The following RPS3 variants were observed in gnomAD, a reference collection of about 807,000 sequenced individuals.
RPS3 encodes small ribosomal subunit protein uS3.
In RPS3, 2 loss-of-function variants were observed where a neutral mutation model predicts 25.8. That is an observed-to-expected ratio of 0.08 (90% confidence interval 0.03 to 0.24). The LOEUF (loss-of-function observed/expected upper bound fraction) is 0.24. Among genes scored for constraint, RPS3 ranks in the 10% least tolerant of loss-of-function variants. RPS3 has a pLI of 1.00. For synonymous variants in RPS3, 114 were observed against 114.2 expected, an observed-to-expected ratio of 1.00 and a Z score of 0.01; for missense variants, 107 against 307.1, an observed-to-expected ratio of 0.35 and a Z score of 4.87.
rs765031534 is a variant in RPS3, at chr11:75,404,820, G to A, written c.687G>A (p.Gly229=). 5.0e-6 allele frequency: 8 copies of A among 1,612,848 alleles called. No individual in the cohort carries two copies. In the Admixed American group the frequency reaches 1.3e-4, roughly 27 times the overall value. Residue 229 remains glycine, a synonymous_variant, in exon 6 of 7, where the codon GGG becomes GGA. Coordinates refer to ENST00000531188, the MANE Select transcript of RPS3 (RefSeq NM_001005.5). The surrounding 1 kb of genome is among the most constrained non-coding windows in gnomAD (Gnocchi z 4.6). ...PTTPISEQKG[G]KPEPPAMPQP... ...CCCCCATCTCAGAACAGAAGGGTGG[G>A]AAGCCAGAGCCGCCTGCCATGCCCC...
chr11:75,399,604 G>A (rs755961163), intron 1 of RPS3, 27 bp downstream of exon 1: 7 of 1,608,498 alleles, frequency 4.4e-6, no homozygotes, highest in Admixed American at 1.7e-5. Context: ...TGGGTTCGGA[G>A]AACGACGGCG....
At chr11:75,401,791 ACT>A (rs1181700939) in intron 3 of RPS3, 58 bp downstream of exon 3, 3 of 964,988 alleles carry the variant, frequency 3.1e-6, no homozygotes, top group Non-Finnish European at 5.0e-6. Flanking sequence ...ACTTCTAAAA[ACT>A]CTCAACTTGG....
intron 6 of RPS3, among the ~76,000 whole-genome samples, chr11:75,412,119 T>C (rs971229406): frequency 6.6e-6 from 1 of 152,204 alleles, no homozygotes; most frequent in Non-Finnish European, 1.5e-5. Context: ...TTCCCCTCTT[T>C]GTGCTTTTGT....
chr11:75,411,614 TCTC>T (rs1436543177), downstream of RPS3, among the ~76,000 whole-genome samples: 1 of 151,828 alleles, frequency 6.6e-6, no homozygotes, highest in East Asian at 2.0e-4. Context: ...ATGGTCTCGA[TCTC>T]CTGACCTCAT....
chr11:75,420,780 G>A (rs555128696), intron 6 of RPS3, among the ~76,000 whole-genome samples: 1 of 152,084 alleles, frequency 6.6e-6, no homozygotes, highest in African/African-American at 2.4e-5. Flanking sequence ...GAAAGACCTG[G>A]CCATGTGCCC....
chr11:75,405,472 T>TA lies in RPS3; in HGVS notation c.*4-141dup, dbSNP rs1554989944. ...CCAGGTGCCTTGTATTTTTTTTTTT[T>TA]ATATGAAAAAGGACAAACCCTTATG... On this transcript the variant is annotated intron_variant, in intron 6 of 6. Coordinates refer to ENST00000531188, the MANE Select transcript of RPS3 (RefSeq NM_001005.5). 26 of 340,570 alleles carry TA rather than the reference T, an allele frequency of 7.6e-5. 1 individual carries two copies. The highest frequency in any genetic ancestry group is 5.5e-4 in the East Asian group (7 of 12,700). The allele number at this position is 340,570 out of a possible 1,614,324, so 21.1% of individuals were successfully genotyped here.
intron 6 of RPS3, among the ~76,000 whole-genome samples, chr11:75,416,083 C>G (rs912252304): frequency 6.6e-6 from 1 of 152,042 alleles, no homozygotes; most frequent in African/African-American, 2.4e-5. Flanking sequence ...TATTCAAGCC[C>G]GACAGTTTGG....
At chr11:75,405,028 A>AG in intron 6 of RPS3, 160 bp downstream of exon 6, 1 of 526,532 alleles carries the variant, frequency 1.9e-6, no homozygotes, top group Non-Finnish European at 3.3e-6. Flanking sequence ...GGGTCTATTT[A>AG]ACCCTTGGTT....
At chr11:75,420,620 T>A in intron 6 of RPS3, among the ~76,000 whole-genome samples, 1 of 151,938 alleles carries the variant, frequency 6.6e-6, no homozygotes, top group Non-Finnish European at 1.5e-5. Context: ...CGGGCGGCAA[T>A]AGTGCCTGCC....
chr11:75,418,022 A>C (rs1397084958), intron 6 of RPS3, among the ~76,000 whole-genome samples: 1 of 152,174 alleles, frequency 6.6e-6, no homozygotes, highest in African/African-American at 2.4e-5. Flanking sequence ...GTCAGATAAG[A>C]GGTGCAGATA....
intron 6 of RPS3, chr11:75,405,342 T>G (rs1019587785): frequency 5.9e-5 from 15 of 255,792 alleles, no homozygotes; most frequent in Non-Finnish European, 1.1e-4. Flanking sequence ...TGCTCAAGAT[T>G]TTCTAGGCAC....
Position 75,405,670 on chromosome 11 carries a change from T to C in RPS3, c.*60T>C. ...GATGTTGCTCTCTAAAGACCTTTAA[T>C]AAAATTTTGTACAAAGACACAAGGT... On this transcript the variant is annotated 3_prime_UTR_variant, in exon 7 of 7. Transcript: ENST00000531188. The C allele has an allele frequency of 2.2e-6, 1 of 456,164 alleles. No homozygotes were observed. The highest frequency in any genetic ancestry group is 2.0e-5 in the African/African-American group (1 of 50,174). 28.3% of individuals were successfully genotyped at this position (456,164 alleles called of 1,614,324 possible).
At chr11:75,417,522 G>A (rs1948409405) in intron 6 of RPS3, among the ~76,000 whole-genome samples, 1 of 152,206 alleles carries the variant, frequency 6.6e-6, no homozygotes, top group South Asian at 2.1e-4. Flanking sequence ...GCGTGAACCC[G>A]GGAGGCGGAG....
At chr11:75,403,799 C>T (rs773768682) in intron 4 of RPS3, 6 of 472,950 alleles carry the variant, frequency 1.3e-5, no homozygotes, top group Non-Finnish European at 2.2e-5. Flanking sequence ...AGTATGCAGC[C>T]AGGGTTGGAA....
chr11:75,414,953 A>G (rs188326265), intron 6 of RPS3, among the ~76,000 whole-genome samples: 3 of 152,304 alleles, frequency 2.0e-5, no homozygotes, highest in East Asian at 3.9e-4. Flanking sequence ...GCGTAATGTG[A>G]TAATCTGGAG....
chr11:75,408,777 C>T (rs912690459), downstream of RPS3, among the ~76,000 whole-genome samples: 3 of 152,182 alleles, frequency 2.0e-5, no homozygotes, highest in African/African-American at 7.2e-5. Context: ...AACTCCTGAC[C>T]TCAAGTGATC....
At chr11:75,419,849 G>A (rs1948428436) in intron 6 of RPS3, among the ~76,000 whole-genome samples, 1 of 152,110 alleles carries the variant, frequency 6.6e-6, no homozygotes, top group African/African-American at 2.4e-5. Context: ...AGCCAGGCTG[G>A]TCTTGAACTG....
At chr11:75,408,877 G>A (rs1260074119), downstream of RPS3, among the ~76,000 whole-genome samples, 1 of 152,206 alleles carries the variant, frequency 6.6e-6, no homozygotes. Flanking sequence ...TAAGACAAAT[G>A]TAGAGCTCAG....
downstream of RPS3, among the ~76,000 whole-genome samples, chr11:75,410,434 G>T (rs1488816014): frequency 6.6e-6 from 1 of 151,704 alleles, no homozygotes; most frequent in African/African-American, 2.4e-5. Context: ...ATGGGATGGC[G>T]GCGGGGAAGA....
Sources: allele counts gnomAD v4.1 joint callset (sites outside exome capture counted in the v4.1 genomes callset), GRCh38; gene constraint gnomAD v4.1.1; non-coding constraint Gnocchi (gnomAD v3.1); transcripts MANE v1.5; gene names NCBI Gene and HGNC (gene_info 2026-07-23, HGNC 2026-07-21).